The following MAP3K12 variants were observed in gnomAD, a reference collection of about 807,000 sequenced individuals.
MAP3K12 encodes MAPK-upstream kinase.
Under a neutral mutation model 87.5 loss-of-function variants are expected in MAP3K12, and 14 were observed. That is an observed-to-expected ratio of 0.16 (90% confidence interval 0.11 to 0.25). MAP3K12 has a LOEUF of 0.25. Among genes scored for constraint, MAP3K12 ranks in the 10% least tolerant of loss-of-function variants. The probability of loss-of-function intolerance (pLI) is 1.00; values close to 1 mark genes in which losing one functional copy is unlikely to be tolerated. For synonymous variants in MAP3K12, 469 were observed against 452.5 expected, an observed-to-expected ratio of 1.04 and a Z score of -0.46; for missense variants, 802 against 1,140.4, an observed-to-expected ratio of 0.70 and a Z score of 4.27.
intron 1 of MAP3K12, among the ~76,000 whole-genome samples, chr12:53,492,407 C>G (rs1011303563): frequency 2.6e-5 from 4 of 152,256 alleles, no homozygotes; most frequent in African/African-American, 4.8e-5. Flanking sequence ...AACCACTGCT[C>G]TACTCACCCC....
intron 13 of MAP3K12, 114 bp downstream of exon 13, chr12:53,481,827 C>T: frequency 7.5e-7 from 1 of 1,328,552 alleles, no homozygotes. Context: ...GATATTTGCT[C>T]TTTATGGTAC....
intron 9 of MAP3K12, 35 bp from the exon 10 acceptor site, chr12:53,483,521 G>A: frequency 1.2e-6 from 2 of 1,613,912 alleles, no homozygotes; most frequent in African/African-American, 2.7e-5. Flanking sequence ...CTGGGCAAAT[G>A]ACCAGGAAGG....
At chr12:53,496,859 G>A (rs776276650) in intron 1 of MAP3K12, among the ~76,000 whole-genome samples, 4 of 152,224 alleles carry the variant, frequency 2.6e-5, no homozygotes, top group Admixed American at 1.3e-4. Context: ...TGGTAGAGGA[G>A]AGAACACAGG....
upstream of MAP3K12, chr12:53,500,508 A>C (rs1341486316): frequency 2.0e-5 from 3 of 152,336 alleles, no homozygotes; most frequent in Non-Finnish European, 4.4e-5. Flanking sequence ...GGTTCTAAAA[A>C]GGTTTCACAA....
At position 53,486,469 on chromosome 12, in the gene MAP3K12, T is replaced by A; in HGVS notation, c.599A>T (p.Lys200Met). The part of the protein sequence containing the change: ...LKETDIKHLR[K>M]LKHPNIITFK... ...AGTGATGATGTTGGGGTGCTTCAGCTTTCGCAAGTGCTTGATGTCGGTTTC... is the reference window on the plus strand; with the variant it reads ...AGTGATGATGTTGGGGTGCTTCAGCATTCGCAAGTGCTTGATGTCGGTTTC... The change falls in exon 3 of 14, where the codon AAG becomes ATG. Residue 200 changes from lysine to methionine, a missense_variant. This residue lies in a region of MAP3K12 where 57 missense variants were observed against 161.8 expected (regional missense o/e 0.35). Coordinates refer to ENST00000547488, the MANE Select transcript of MAP3K12 (RefSeq NM_001193511.2). The surrounding 1 kb of genome is among the most constrained non-coding windows in gnomAD (Gnocchi z 4.9). 1 of 1,614,186 alleles carries A rather than the reference T, an allele frequency of 6.2e-7. No homozygotes were observed. The highest frequency in any genetic ancestry group is 1.3e-5 in the African/African-American group (1 of 75,042).
Position 53,486,294 on chromosome 12 carries a change from A to G in MAP3K12, c.630-47T>C. On this transcript the variant is annotated intron_variant, in intron 3 of 13. Transcript: ENST00000547488. This position sits in a 1 kb window ranked among gnomAD's most constrained non-coding sequence, Gnocchi z 4.9. Reference sequence around the variant, plus strand: ...GAAGGCCTCAGCTGGCTCAGCATTCACCTGATTCATACCTGGAACCCCCAT... The same window carrying G: ...GAAGGCCTCAGCTGGCTCAGCATTCGCCTGATTCATACCTGGAACCCCCAT... 1 of 1,561,606 alleles carries G rather than the reference A, an allele frequency of 6.4e-7. No homozygotes were observed. Among genetic ancestry groups the G allele is most frequent in the Non-Finnish European group, 8.7e-7 (1 of 1,151,350 alleles).
chr12:53,483,022 C>G lies in MAP3K12; in HGVS notation c.1781G>C (p.Gly594Ala), dbSNP rs777027128. 6.4e-7 allele frequency: 1 copy of G among 1,557,678 alleles called. No individual in the cohort carries two copies. The highest frequency in any genetic ancestry group is 2.0e-5 in the Admixed American group (1 of 50,590). ...SAKGSCGDLP[G>A]LRTAVPPHEP... is the part of the protein sequence containing the mutation. The stretch of plus-strand genomic sequence containing the variant: ...ATGGGGTGGCACAGCTGTACGAAGC[C>G]CAGGCAGGTCCCCACAGCTCCCCTT... Residue 594 changes from glycine to alanine, a missense_variant, in exon 11 of 14, where the codon GGG becomes GCG. This residue lies in a region of MAP3K12 where 490 missense variants were observed against 496.6 expected (regional missense o/e 0.99). Coordinates refer to ENST00000547488, the MANE Select transcript of MAP3K12 (RefSeq NM_001193511.2).
At chr12:53,488,434 G>T (rs1943299890) in intron 1 of MAP3K12, among the ~76,000 whole-genome samples, 1 of 152,206 alleles carries the variant, frequency 6.6e-6, no homozygotes, top group African/African-American at 2.4e-5. Context: ...GGCCGAGGCG[G>T]GCGGATCACC....
In MAP3K12 at chr12:53,483,899, A is replaced by T. The variant is rs770403152; in HGVS notation, c.1358+12T>A. 6 of 1,613,432 alleles carry T rather than the reference A, an allele frequency of 3.7e-6. No individual in the cohort carries two copies. In the South Asian group the frequency reaches 6.6e-5, roughly 18 times the overall value. ...TGTTAGTAAAATCACCTCCCCAAGC[A>T]CGGGAACTCACCTGAGCTCCTCCCT... On this transcript the variant is annotated intron_variant, in intron 8 of 13. Transcript: ENST00000547488.
rs150244369 is a variant in MAP3K12, at chr12:53,487,344, G to T, written c.48C>A (p.Gly16=). Residue 16 remains glycine (G), a synonymous_variant, in exon 2 of 14, where the codon GGC becomes GGA. Transcript: ENST00000547488. ...ATGCCTCACTTAGGGTAGACACAAA[G>T]CCCCCAAAGGAAGGAGAGGGTGTTC... ...ETRTPSPSFG[G]FVSTLSEASM... 1 of 1,613,730 alleles carries T rather than the reference G, an allele frequency of 6.2e-7. No individual in the cohort carries two copies. Among genetic ancestry groups the T allele is most frequent in the African/African-American group, 1.3e-5 (1 of 74,862 alleles).
At chr12:53,496,030 TGG>T (rs1275335239) in intron 1 of MAP3K12, among the ~76,000 whole-genome samples, 1 of 152,140 alleles carries the variant, frequency 6.6e-6, no homozygotes, top group South Asian at 2.1e-4. Context: ...AATCTCTCTG[TGG>T]TGCCCAACCC....
At chr12:53,497,084 A>C (rs1431795663) in intron 1 of MAP3K12, among the ~76,000 whole-genome samples, 1 of 152,234 alleles carries the variant, frequency 6.6e-6, no homozygotes, top group African/African-American at 2.4e-5. Context: ...CTCTTGCCAC[A>C]TACTAACTTT....
chr12:53,485,935 G>T, intron 4 of MAP3K12, 121 bp downstream of exon 4: 3 of 873,202 alleles, frequency 3.4e-6, no homozygotes, highest in South Asian at 3.4e-5. Context: ...ACTGTCACTT[G>T]GAAGAGGTTT....
rs879244280 is a variant in MAP3K12 at position 53,479,671 on chromosome 12, G to GTTTTTTTTTTTTTTTGTT, written c.*1510_*1511insAACAAAAAAAAAAAAAAA. ...ATTTAGTTTTATAAGCTTCTCCCTGGTTTTTTTTTTTTGGCTCATGAATTT... is the reference window on the plus strand; with the variant it reads ...ATTTAGTTTTATAAGCTTCTCCCTGGTTTTTTTTTTTTTTTGTTTTTTTTTTTTTTGGCTCATGAATTT... On this transcript the variant is annotated 3_prime_UTR_variant, in exon 14 of 14. Coordinates refer to ENST00000547488, the MANE Select transcript of MAP3K12 (RefSeq NM_001193511.2). 4.6e-4 allele frequency: 96 copies of GTTTTTTTTTTTTTTTGTT among 206,686 alleles called. No homozygotes were observed. The highest frequency in any genetic ancestry group is 1.6e-3 in the Middle Eastern group (1 of 628). 12.8% of individuals were successfully genotyped at this position (206,686 alleles called of 1,614,324 possible).
In MAP3K12 at chr12:53,480,838, C is replaced by T. The variant is rs1402794209; in HGVS notation, c.*344G>A. ...AAGTGGTTTTCTCTCCTGCCCCTCCCACCGCCCCTCCCCCCACCCCCTATT... is the reference window on the plus strand; with the variant it reads ...AAGTGGTTTTCTCTCCTGCCCCTCCTACCGCCCCTCCCCCCACCCCCTATT... On this transcript the variant is annotated 3_prime_UTR_variant, in exon 14 of 14. Coordinates refer to ENST00000547488, the MANE Select transcript of MAP3K12 (RefSeq NM_001193511.2). 5.9e-5 allele frequency: 9 copies of T among 152,234 alleles called. No individual in the cohort carries two copies. The highest frequency in any genetic ancestry group is 1.3e-4 in the Non-Finnish European group (9 of 68,096). 9.4% of individuals were successfully genotyped at this position (152,234 alleles called of 1,614,324 possible). A position where few individuals can be genotyped will look rare whatever the true frequency, so the allele number is the denominator to read the frequency against.
rs1044102802 is a variant in MAP3K12, at chr12:53,484,112, T to C, written c.1249-92A>G. ...CCCACACCACTGCCAATGTGTGTGC[T>C]GGAGCAAAAAGGAGTGGATTGACTC... On this transcript the variant is annotated intron_variant, in intron 7 of 13. Transcript: ENST00000547488. 85 of 1,425,604 alleles carry C rather than the reference T, an allele frequency of 6.0e-5. No homozygotes were observed. The Middle Eastern group carries it at 1.3e-3, about 22-fold the overall frequency. 88.3% of individuals were successfully genotyped at this position (1,425,604 alleles called of 1,614,324 possible). A position where few individuals can be genotyped will look rare whatever the true frequency, so the allele number is the denominator to read the frequency against.
intron 1 of MAP3K12, among the ~76,000 whole-genome samples, chr12:53,489,549 G>T (rs1565889626): frequency 6.6e-6 from 1 of 152,218 alleles, no homozygotes; most frequent in Non-Finnish European, 1.5e-5. Context: ...CAGATCCTGA[G>T]ATTTGAAGAT....
At chr12:53,492,755 C>G (rs559851751) in intron 1 of MAP3K12, among the ~76,000 whole-genome samples, 123 of 150,566 alleles carry the variant, frequency 8.2e-4, no homozygotes, top group African/African-American at 2.8e-3. Flanking sequence ...CAACCTCCCT[C>G]CCCGCCCCCA....
intron 1 of MAP3K12, among the ~76,000 whole-genome samples, chr12:53,489,079 C>CAAAA (rs925604046): frequency 6.5e-5 from 3 of 46,404 alleles, no homozygotes; most frequent in Non-Finnish European, 9.0e-5. Context: ...AACTCTGTCT[C>CAAAA]AAAAAAAAAA....
Sources: gnomAD v4.1 joint callset for allele counts (sites outside exome capture counted in the v4.1 genomes callset) on GRCh38, gnomAD v4.1.1 for gene constraint, gnomAD v4.1.1 regional missense constraint, Gnocchi (gnomAD v3.1) non-coding constraint, MANE v1.5 for transcripts, NCBI Gene and HGNC (gene_info 2026-07-23, HGNC 2026-07-21) for gene names.